The following SLC66A2 variants were observed in gnomAD, a reference collection of about 807,000 sequenced individuals.
The protein encoded by SLC66A2 is PQ loop repeat containing 1.
In SLC66A2, 23 loss-of-function variants were observed where a neutral mutation model predicts 25.5. That is an observed-to-expected ratio of 0.90 (90% CI 0.65 to 1.28). The LOEUF (loss-of-function observed/expected upper bound fraction) is 1.28, where lower values mean the gene tolerates loss of function less well. Ranked by LOEUF, SLC66A2 falls within the 50% of genes most tolerant of loss-of-function variation. SLC66A2 has a pLI of 0.00. For missense variants in SLC66A2, 396 were observed against 373.1 expected, an observed-to-expected ratio of 1.06 and a Z score of -0.51; for synonymous variants, 193 against 166.5, an observed-to-expected ratio of 1.16 and a Z score of -1.23.
chr18:79,914,760 A>T (rs1983742672), intron 5 of SLC66A2, among the ~76,000 whole-genome samples: 1 of 152,238 alleles, frequency 6.6e-6, no homozygotes, highest in South Asian at 2.1e-4. Flanking sequence ...CCACAGGCCC[A>T]AAGAGACGGA....
intron 5 of SLC66A2, among the ~76,000 whole-genome samples, chr18:79,914,310 A>G (rs1234466473): frequency 6.6e-6 from 1 of 152,252 alleles, no homozygotes; most frequent in Admixed American, 6.5e-5. Context: ...CACATGATCT[A>G]TCAAACCTGC....
intron 4 of SLC66A2, among the ~76,000 whole-genome samples, chr18:79,921,943 G>A (rs566660256): frequency 6.7e-6 from 1 of 150,272 alleles, no homozygotes; most frequent in African/African-American, 2.5e-5. Flanking sequence ...AGCGTGAGGG[G>A]CAGCCGAGGG....
rs1002437042 is a variant in SLC66A2 at position 79,916,706 on chromosome 18, G to A, written c.608+2478C>T. ...GGCGGCAGCCCCACTCCACGAGACC[G>A]AGCTCCTGCCTGGGGACCCCTCCAC... On this transcript the variant is annotated intron_variant, in intron 5 of 5. Transcript: ENST00000397778. Among the ~76,000 whole-genome samples, 46 of 152,258 alleles carry A rather than the reference G, an allele frequency of 3.0e-4. 1 individual carries two copies. Among genetic ancestry groups the A allele is most frequent in the Non-Finnish European group, 5.0e-4 (34 of 68,032 alleles).
intron 5 of SLC66A2, among the ~76,000 whole-genome samples, chr18:79,907,557 C>T (rs1414803216): frequency 6.6e-6 from 1 of 151,964 alleles, no homozygotes; most frequent in African/African-American, 2.4e-5. Flanking sequence ...CACCACGTGG[C>T]CCAGGCTGGT....
In SLC66A2 at chr18:79,934,904, A is replaced by C. The variant is rs529393532; in HGVS notation, c.338-882T>G. Among the ~76,000 whole-genome samples the C allele has an allele frequency of 3.9e-5, 6 of 152,270 alleles. No individual in the cohort carries two copies. In the East Asian group the frequency reaches 1.2e-3, roughly 29 times the overall value. On this transcript the variant is annotated intron_variant, in intron 3 of 5. Transcript: ENST00000397778. ...CTGACCTCTGCCCTCTGCTACTTGGACTTAGGGTGTTGTTCCACTCACAAG... is the reference window on the plus strand; with the variant it reads ...CTGACCTCTGCCCTCTGCTACTTGGCCTTAGGGTGTTGTTCCACTCACAAG...
chr18:79,923,870 T>A (rs1051747128), intron 4 of SLC66A2, among the ~76,000 whole-genome samples: 2 of 151,656 alleles, frequency 1.3e-5, no homozygotes, highest in African/African-American at 4.8e-5. Flanking sequence ...ATTCCATCTT[T>A]ACAAAAAAAA....
Position 79,930,026 on chromosome 18 carries a change from GA to G in SLC66A2, c.391+3942del, listed in dbSNP as rs113722570. On this transcript the variant is annotated intron_variant, in intron 4 of 5. Coordinates refer to ENST00000397778, the MANE Select transcript of SLC66A2 (RefSeq NM_025078.5). ...ATTGTGGAGAGGAGAGAGGGGAGCA[GA>G]AAAAAAAATTCAAGGAGATAATGAC... 6.2e-4 allele frequency among the ~76,000 whole-genome samples: 93 copies of G among 151,024 alleles called. 2 individuals are homozygous for G. In the South Asian group the frequency reaches 8.8e-3, roughly 14 times the overall value.
chr18:79,931,704 T>C (rs1220551324), intron 4 of SLC66A2, among the ~76,000 whole-genome samples: 1 of 152,298 alleles, frequency 6.6e-6, no homozygotes, highest in East Asian at 1.9e-4. Context: ...CCATAAGATG[T>C]GCCTCTATTT....
At chr18:79,926,554 T>A (rs1356236309) in intron 4 of SLC66A2, among the ~76,000 whole-genome samples, 3 of 152,000 alleles carry the variant, frequency 2.0e-5, no homozygotes, top group African/African-American at 7.3e-5. Context: ...GAATGGCATC[T>A]CGGTAACGCC....
chr18:79,912,009 G>A (rs550216865), intron 5 of SLC66A2, among the ~76,000 whole-genome samples: 8 of 141,930 alleles, frequency 5.6e-5, no homozygotes, highest in African/African-American at 2.1e-4. Context: ...AGGCAGCAGG[G>A]AGAGGACAGC....
intron 5 of SLC66A2, among the ~76,000 whole-genome samples, chr18:79,907,579 G>C (rs1982321740): frequency 6.6e-6 from 1 of 152,050 alleles, no homozygotes. Flanking sequence ...TCAAACTCCT[G>C]AGCTCAGCCA....
chr18:79,917,878 C>A lies in SLC66A2; in HGVS notation c.608+1306G>T, dbSNP rs1984411185. Among the ~76,000 whole-genome samples, 1 of 151,900 alleles carries A rather than the reference C, an allele frequency of 6.6e-6. No homozygotes were observed. Among genetic ancestry groups the A allele is most frequent in the Non-Finnish European group, 1.5e-5 (1 of 67,940 alleles). On this transcript the variant is annotated intron_variant, in intron 5 of 5. Transcript: ENST00000397778. The surrounding 1 kb of genome is among the most constrained non-coding windows in gnomAD (Gnocchi z 6.0). ...TACCTACCTCACACCATGCCAGCAC[C>A]CCACACCTGACCCATGCCCCACACC...
chr18:79,948,795 C>T (rs8086180), intron 2 of SLC66A2, among the ~76,000 whole-genome samples: 145,031 of 152,288 alleles, frequency 0.95, 69,484 homozygotes, highest in East Asian at 1. Context: ...ACGAGTGCAG[C>T]GCTCCTTCAC....
At position 79,919,307 on chromosome 18, in the gene SLC66A2, T is replaced by A. The variant is rs1453851039; in HGVS notation, c.485A>T (p.Tyr162Phe). 1 of 1,613,076 alleles carries A rather than the reference T, an allele frequency of 6.2e-7. No homozygotes were observed. The highest frequency in any genetic ancestry group is 8.5e-7 in the Non-Finnish European group (1 of 1,179,966). The part of the protein sequence containing the change: ...AFTGVAGYIT[Y>F]LSIDSALFVE... ...AAACAGGGCGGAGTCAATGGACAGGTAGGTGATGTAGCCCGCCACGCCCGT... is the reference window on the plus strand; with the variant it reads ...AAACAGGGCGGAGTCAATGGACAGGAAGGTGATGTAGCCCGCCACGCCCGT... The change falls in exon 5 of 6, where the codon TAC (tyrosine) becomes TTC (phenylalanine). Residue 162 changes from tyrosine to phenylalanine, a missense_variant. Tyr to Phe is a conservative substitution (Grantham distance 22). Coordinates refer to ENST00000397778, the MANE Select transcript of SLC66A2 (RefSeq NM_025078.5).
rs115256873 is a variant in SLC66A2 at position 79,937,916 on chromosome 18, C to T, written c.338-3894G>A. Among the ~76,000 whole-genome samples, 1,012 of 152,124 alleles carry T rather than the reference C, an allele frequency of 6.7e-3. 20 individuals are homozygous for T. The highest frequency in any genetic ancestry group is 0.023 in the African/African-American group (964 of 41,462). On this transcript the variant is annotated intron_variant, in intron 3 of 5. Coordinates refer to ENST00000397778, the MANE Select transcript of SLC66A2 (RefSeq NM_025078.5). The surrounding 1 kb of genome is among the most constrained non-coding windows in gnomAD (Gnocchi z 5.4). ...TTAAAAATGCAGGTGGCACTGATGC[C>T]GCAATACAGACCACGGGCAAAGTTG...
intron 3 of SLC66A2, among the ~76,000 whole-genome samples, chr18:79,942,067 G>A (rs889177545): frequency 1.3e-5 from 2 of 152,226 alleles, no homozygotes; most frequent in African/African-American, 4.8e-5. Flanking sequence ...AAAGCCTTGC[G>A]GGGAGCAAGA....
Position 79,903,966 on chromosome 18 carries a change from C to T in SLC66A2, c.*10G>A. On this transcript the variant is annotated 3_prime_UTR_variant, in exon 6 of 6. Coordinates refer to ENST00000397778, the MANE Select transcript of SLC66A2 (RefSeq NM_025078.5). ...CGGCTGGCGGTCCCACATCCTCGTC[C>T]TCCCCACTGTCAGAGGGCCTTGGTG... 2 of 1,590,342 alleles carry T rather than the reference C, an allele frequency of 1.3e-6. No homozygotes were observed. The highest frequency in any genetic ancestry group is 8.5e-7 in the Non-Finnish European group (1 of 1,170,678).
At position 79,921,891 on chromosome 18, in the gene SLC66A2, G is replaced by GA. The variant is rs1303909955; in HGVS notation, c.392-2492_392-2491insT. Among the ~76,000 whole-genome samples, 111 of 5,836 alleles carry GA rather than the reference G, an allele frequency of 0.019. 46 individuals are homozygous for GA. The East Asian group carries it at 1, about 53-fold the overall frequency. The allele number at this position is 5,836 out of a possible 152,430, so 3.8% of individuals were successfully genotyped here. ...TCAGTGAGGAGAGACGGGAACCGAGGGAGAGGTCAAGGTCAGTGACAAGAG... is the reference window on the plus strand; with the variant it reads ...TCAGTGAGGAGAGACGGGAACCGAGGAGAGAGGTCAAGGTCAGTGACAAGAG... On this transcript the variant is annotated intron_variant, in intron 4 of 5. Coordinates refer to ENST00000397778, the MANE Select transcript of SLC66A2 (RefSeq NM_025078.5).
chr18:79,931,587 C>T (rs893385882), intron 4 of SLC66A2, among the ~76,000 whole-genome samples: 3 of 152,232 alleles, frequency 2.0e-5, no homozygotes, highest in Non-Finnish European at 2.9e-5. Context: ...AACAACTACA[C>T]AGAAGAACAA....
Sources: allele counts gnomAD v4.1 joint callset (sites outside exome capture counted in the v4.1 genomes callset), GRCh38; gene constraint gnomAD v4.1.1; non-coding constraint Gnocchi (gnomAD v3.1); transcripts MANE v1.5; gene names NCBI Gene and HGNC (gene_info 2026-07-23, HGNC 2026-07-21).